The following DPF3 variants were observed in gnomAD, a reference collection of about 807,000 sequenced individuals.
The protein encoded by DPF3 is double PHD fingers 3.
Under a neutral mutation model 56.8 loss-of-function variants are expected in DPF3, and 18 were observed. The observed-to-expected ratio is 0.32, with a 90% CI of 0.22 to 0.47. The LOEUF is 0.47. Among genes scored for constraint, DPF3 ranks in the 20% least tolerant of loss-of-function variants. The probability of loss-of-function intolerance (pLI) is 1.00; values close to 1 mark genes in which losing one functional copy is unlikely to be tolerated. For synonymous variants in DPF3, 188 were observed against 180.2 expected (o/e 1.04, Z -0.35); for missense variants, 403 against 488.8 (o/e 0.82, Z 1.65).
At chr14:72,663,975 C>T (rs941454163) in intron 8 of DPF3, among the ~76,000 whole-genome samples, 1 of 152,174 alleles carries the variant, frequency 6.6e-6, no homozygotes, top group Non-Finnish European at 1.5e-5. Context: ...CCTCCCTCCA[C>T]ACCTGCTCCT....
rs57177135 is a variant in DPF3, at chr14:72,714,309, A to G, written c.604+114T>C. 7.4e-3 allele frequency: 9,790 copies of G among 1,314,518 alleles called. 574 individuals are homozygous for G. The African/African-American group carries it at 0.13, about 17-fold the overall frequency. The allele number at this position is 1,314,518 out of a possible 1,614,324, so 81.4% of individuals were successfully genotyped here. A position where few individuals can be genotyped will look rare whatever the true frequency, so the allele number is the denominator to read the frequency against. On this transcript the variant is annotated intron_variant, in intron 6 of 10. Coordinates refer to ENST00000556509, the MANE Select transcript of DPF3 (RefSeq NM_001280542.3). ...GAGTAAGCTGGGGTGCAGACAGAGGAAGAGGAGAGCACACACTGAGGTTGG... is the reference window on the plus strand; with the variant it reads ...GAGTAAGCTGGGGTGCAGACAGAGGGAGAGGAGAGCACACACTGAGGTTGG...
intron 6 of DPF3, among the ~76,000 whole-genome samples, chr14:72,713,960 C>T (rs1888773856): frequency 6.6e-6 from 1 of 152,186 alleles, no homozygotes; most frequent in South Asian, 2.1e-4. Flanking sequence ...ATAACTTGCC[C>T]TACCTAGGAC....
intron 1 of DPF3, among the ~76,000 whole-genome samples, chr14:72,811,115 C>G (rs1049566763): frequency 6.6e-6 from 1 of 152,170 alleles, no homozygotes; most frequent in Non-Finnish European, 1.5e-5. Flanking sequence ...CCCAGACTTT[C>G]AAACAACCAG....
chr14:72,799,806 A>T (rs1211170040), intron 1 of DPF3, among the ~76,000 whole-genome samples: 1 of 152,138 alleles, frequency 6.6e-6, no homozygotes, highest in Non-Finnish European at 1.5e-5. Flanking sequence ...GCAGATAACA[A>T]TATATACCTG....
intron 7 of DPF3, among the ~76,000 whole-genome samples, chr14:72,676,354 G>C (rs1886907288): frequency 1.3e-5 from 2 of 152,036 alleles, no homozygotes; most frequent in African/African-American, 4.8e-5. Context: ...ATACTCTTAG[G>C]GACTTCCTAT....
chr14:72,886,593 A>G lies in DPF3; in HGVS notation c.32+7464T>C, dbSNP rs1045855801. 2.6e-5 allele frequency among the ~76,000 whole-genome samples: 4 copies of G among 152,162 alleles called. No individual in the cohort carries two copies. In the East Asian group the frequency reaches 7.7e-4, roughly 29 times the overall value. On this transcript the variant is annotated intron_variant, in intron 1 of 10. Transcript: ENST00000556509. ...TGTTATGTATATTTTAGCACAATAA[A>G]GAAAAATTGAGGGAATGCCTCTCTC... is the stretch of plus-strand genomic sequence containing the variant.
At chr14:72,777,522 T>G (rs983900599) in intron 1 of DPF3, among the ~76,000 whole-genome samples, 1 of 152,152 alleles carries the variant, frequency 6.6e-6, no homozygotes, top group African/African-American at 2.4e-5. Context: ...GTGATGGTGT[T>G]TGGAGATGGA....
chr14:72,628,796 A>G (rs2526927), intron 9 of DPF3, among the ~76,000 whole-genome samples: 7,418 of 152,310 alleles, frequency 0.049, 384 homozygotes, highest in East Asian at 0.14. Context: ...CAGCACAGAG[A>G]TATACTCAGT....
chr14:72,692,868 C>T (rs1256692024), intron 7 of DPF3, among the ~76,000 whole-genome samples: 1 of 152,146 alleles, frequency 6.6e-6, no homozygotes, highest in Non-Finnish European at 1.5e-5. Context: ...GTGTGTGAGC[C>T]CAGCCCTGCT....
intron 1 of DPF3, among the ~76,000 whole-genome samples, chr14:72,846,594 C>T (rs1884772420): frequency 6.6e-6 from 1 of 151,870 alleles, no homozygotes; most frequent in Non-Finnish European, 1.5e-5. Flanking sequence ...CCTCGGCCTC[C>T]CAAAGTGCTG....
intron 5 of DPF3, among the ~76,000 whole-genome samples, chr14:72,717,207 C>G (rs550295065): frequency 3.3e-5 from 5 of 152,226 alleles, no homozygotes; most frequent in African/African-American, 1.2e-4. Flanking sequence ...CAAGAATCTT[C>G]CTCTTGCCAC....
In DPF3 at chr14:72,879,991, C is replaced by A. The variant is rs562780414; in HGVS notation, c.32+14066G>T. The A allele has an allele frequency of 1.6e-5, 23 of 1,449,180 alleles. No homozygotes were observed. In the African/African-American group the frequency reaches 3.1e-4, roughly 20 times the overall value. The allele number at this position is 1,449,180 out of a possible 1,614,324, so 89.8% of individuals were successfully genotyped here. A position where few individuals can be genotyped will look rare whatever the true frequency, so the allele number is the denominator to read the frequency against. ...GGTGAAAAAGAAACACCCATCAAGA[C>A]TGAGTAGCCTGCACACTAGACTGTG... On this transcript the variant is annotated intron_variant, in intron 1 of 10. Coordinates refer to ENST00000556509, the MANE Select transcript of DPF3 (RefSeq NM_001280542.3).
At chr14:72,701,523 C>G (rs566373386) in intron 6 of DPF3, among the ~76,000 whole-genome samples, 2 of 152,200 alleles carry the variant, frequency 1.3e-5, no homozygotes, top group Non-Finnish European at 2.9e-5. Flanking sequence ...TCCTTCAAAC[C>G]TACCCCACTC....
chr14:72,678,092 G>A (rs1350914119), intron 7 of DPF3, among the ~76,000 whole-genome samples: 4 of 152,116 alleles, frequency 2.6e-5, no homozygotes, highest in Admixed American at 2.6e-4. Flanking sequence ...TGTGAAGTAG[G>A]GAATTTTTTG....
In DPF3 at chr14:72,660,972, C is replaced by T. The variant is rs1006516239; in HGVS notation, c.871+13268G>A. On this transcript the variant is annotated intron_variant, in intron 8 of 10. Coordinates refer to ENST00000556509, the MANE Select transcript of DPF3 (RefSeq NM_001280542.3). Reference sequence around the variant, plus strand: ...GGAAGAATCATCTCAGGAGTCCCTGCCGCATGACGGCGTGAAAGTGAACTC... The same window carrying T: ...GGAAGAATCATCTCAGGAGTCCCTGTCGCATGACGGCGTGAAAGTGAACTC... 1.9e-5 allele frequency: 15 copies of T among 770,068 alleles called. No homozygotes were observed. In the African/African-American group the frequency reaches 2.5e-4, roughly 13 times the overall value. 47.7% of individuals were successfully genotyped at this position (770,068 alleles called of 1,614,324 possible). A position where few individuals can be genotyped will look rare whatever the true frequency, so the allele number is the denominator to read the frequency against.
chr14:72,713,026 G>A (rs1441139497), intron 6 of DPF3, among the ~76,000 whole-genome samples: 1 of 152,236 alleles, frequency 6.6e-6, no homozygotes, highest in African/African-American at 2.4e-5. Context: ...CCAGCCCATG[G>A]CTTACAGCCA....
intron 1 of DPF3, among the ~76,000 whole-genome samples, chr14:72,777,723 G>GC (rs1451912143): frequency 6.6e-6 from 1 of 152,026 alleles, no homozygotes; most frequent in Non-Finnish European, 1.5e-5. Flanking sequence ...AGTGTATGGT[G>GC]CCTCCCTGCT....
At chr14:72,784,714 T>C (rs1567231918) in intron 1 of DPF3, among the ~76,000 whole-genome samples, 1 of 152,026 alleles carries the variant, frequency 6.6e-6, no homozygotes, top group Non-Finnish European at 1.5e-5. Flanking sequence ...ATCCTAACAC[T>C]TTGGGAGGCC....
intron 8 of DPF3, among the ~76,000 whole-genome samples, chr14:72,630,310 C>G (rs1375451157): frequency 2.0e-5 from 3 of 152,168 alleles, no homozygotes; most frequent in Non-Finnish European, 4.4e-5. Flanking sequence ...AGTTCATATC[C>G]TGAACAGTAC....
Sources: gnomAD v4.1 joint callset for allele counts (sites outside exome capture counted in the v4.1 genomes callset) on GRCh38, gnomAD v4.1.1 for gene constraint, MANE v1.5 for transcripts, NCBI Gene and HGNC (gene_info 2026-07-23, HGNC 2026-07-21) for gene names.